The following CDIN1 variants were observed in gnomAD, a reference collection of about 807,000 sequenced individuals.
CDIN1 encodes CDAN1-interacting nuclease 1.
A neutral mutation model predicts 45.3 loss-of-function variants in CDIN1; 33 were observed. That is an observed-to-expected ratio of 0.73 (90% CI 0.55 to 0.97). The LOEUF is 0.97. Ranked by LOEUF, CDIN1 falls within the 50% of genes least tolerant of loss-of-function variation. CDIN1 has a pLI of 0.00. For missense variants in CDIN1, 303 were observed against 339.4 expected (o/e 0.89, Z 0.84); for synonymous variants, 118 against 124.4 (o/e 0.95, Z 0.34).
chr15:36,628,143 C>T (rs930057239), intron 1 of CDIN1, among the ~76,000 whole-genome samples: 2 of 151,980 alleles, frequency 1.3e-5, no homozygotes, highest in African/African-American at 4.8e-5. Context: ...ATGTGTTGGA[C>T]CTAACACCAT....
chr15:36,668,230 T>C (rs958723088), intron 5 of CDIN1: 30 of 152,268 alleles, frequency 2.0e-4, no homozygotes, highest in African/African-American at 7.0e-4. Context: ...GTGAATATTT[T>C]GTTGATAATG....
chr15:36,662,955 G>A (rs1339057425), intron 5 of CDIN1, among the ~76,000 whole-genome samples: 1 of 126,756 alleles, frequency 7.9e-6, no homozygotes, highest in East Asian at 2.5e-4. Context: ...CATTTCCTTT[G>A]AAATGCTCAA....
chr15:36,778,083 A>G (rs1013650476), intron 10 of CDIN1, among the ~76,000 whole-genome samples: 24 of 152,202 alleles, frequency 1.6e-4, no homozygotes. Context: ...TCAGGAATGT[A>G]ATCCTGAATA....
intron 10 of CDIN1, among the ~76,000 whole-genome samples, chr15:36,731,661 A>T (rs981960443): frequency 6.6e-6 from 1 of 152,138 alleles, no homozygotes; most frequent in African/African-American, 2.4e-5. Flanking sequence ...GCACCACAAG[A>T]TGTTAAAAGA....
intron 10 of CDIN1, chr15:36,798,627 A>G (rs561593411): frequency 2.0e-5 from 3 of 152,280 alleles, no homozygotes; most frequent in African/African-American, 4.8e-5. Flanking sequence ...TTTTAAGCAG[A>G]CTTTTATATA....
At chr15:36,586,731 G>T (rs1220115628) in intron 1 of CDIN1, among the ~76,000 whole-genome samples, 1 of 152,038 alleles carries the variant, frequency 6.6e-6, no homozygotes, top group Admixed American at 6.6e-5. Flanking sequence ...TCCAGCATGG[G>T]CAACATAGCT....
At chr15:36,748,099 C>A (rs1012007609) in intron 10 of CDIN1, among the ~76,000 whole-genome samples, 1 of 152,094 alleles carries the variant, frequency 6.6e-6, no homozygotes, top group Non-Finnish European at 1.5e-5. Flanking sequence ...ATTTGTATGA[C>A]CTGGGGCAAA....
At chr15:36,762,585 C>T (rs2053798407) in intron 10 of CDIN1, among the ~76,000 whole-genome samples, 1 of 152,064 alleles carries the variant, frequency 6.6e-6, no homozygotes, top group Non-Finnish European at 1.5e-5. Flanking sequence ...TGTTGGTGTG[C>T]TGCACCCATT....
intron 5 of CDIN1, among the ~76,000 whole-genome samples, chr15:36,671,567 C>A (rs2041453257): frequency 6.6e-6 from 1 of 151,688 alleles, no homozygotes; most frequent in Admixed American, 6.6e-5. Context: ...TATCTACTTT[C>A]TAGAGACTTA....
intron 5 of CDIN1, among the ~76,000 whole-genome samples, chr15:36,685,751 A>G (rs992680503): frequency 3.3e-5 from 5 of 152,226 alleles, no homozygotes; most frequent in Non-Finnish European, 5.9e-5. Context: ...TGGGCAAAGG[A>G]TATGAACAGA....
intron 9 of CDIN1, 107 bp from the exon 10 acceptor site, chr15:36,709,749 G>A (rs2140832458): frequency 1.3e-6 from 1 of 779,912 alleles, no homozygotes; most frequent in East Asian, 2.5e-5. Flanking sequence ...GATGGTAAGG[G>A]CTAAGCCTGT....
At chr15:36,619,319 G>A (rs980384152) in intron 1 of CDIN1, 12 of 710,848 alleles carry the variant, frequency 1.7e-5, no homozygotes, top group African/African-American at 1.1e-4. Context: ...TTAAACTTGA[G>A]CTGTAGCTAT....
intron 1 of CDIN1, among the ~76,000 whole-genome samples, chr15:36,616,217 C>G (rs1313775080): frequency 6.6e-6 from 1 of 152,062 alleles, no homozygotes; most frequent in Non-Finnish European, 1.5e-5. Context: ...TTTAGAGGCT[C>G]TATCCTTTAA....
chr15:36,789,333 A>C (rs2054586099), intron 10 of CDIN1, among the ~76,000 whole-genome samples: 1 of 152,236 alleles, frequency 6.6e-6, no homozygotes, highest in Non-Finnish European at 1.5e-5. Flanking sequence ...AATTATGTTC[A>C]ATCCTTTAGA....
At chr15:36,626,351 G>A (rs1460487838) in intron 1 of CDIN1, among the ~76,000 whole-genome samples, 1 of 149,816 alleles carries the variant, frequency 6.7e-6, no homozygotes, top group African/African-American at 2.5e-5. Context: ...CACAAAGGGA[G>A]TCCTGCAAAT....
At chr15:36,788,552 A>C (rs2054566105) in intron 10 of CDIN1, among the ~76,000 whole-genome samples, 5 of 152,150 alleles carry the variant, frequency 3.3e-5, no homozygotes, top group Non-Finnish European at 7.4e-5. Flanking sequence ...TATATTTTAA[A>C]GGTTTGTCTA....
At chr15:36,690,112 C>G in intron 5 of CDIN1, among the ~76,000 whole-genome samples, 1 of 152,074 alleles carries the variant, frequency 6.6e-6, no homozygotes, top group East Asian at 1.9e-4. Flanking sequence ...TCACAAATGG[C>G]TAAGTACATA....
At position 36,809,746 on chromosome 15, in the gene CDIN1, T is replaced by A. The variant is rs1230906335; in HGVS notation, c.*1293T>A. 3 of 152,226 alleles carry A rather than the reference T, an allele frequency of 2.0e-5. No homozygotes were observed. The highest frequency in any genetic ancestry group is 2.0e-4 in the Admixed American group (3 of 15,278). 9.4% of individuals were successfully genotyped at this position (152,226 alleles called of 1,614,324 possible). A position where few individuals can be genotyped will look rare whatever the true frequency, so the allele number is the denominator to read the frequency against. On this transcript the variant is annotated 3_prime_UTR_variant, in exon 11 of 11. Transcript: ENST00000566621. ...TTTTTGCAGACAGCTTTAACTTATA[T>A]ACATTGCTTGATTTTTTTCAAAAGA...
intron 1 of CDIN1, among the ~76,000 whole-genome samples, chr15:36,638,687 TAAAG>T (rs1416664739): frequency 6.6e-6 from 1 of 152,194 alleles, no homozygotes; most frequent in Non-Finnish European, 1.5e-5. Flanking sequence ...TTTATGAAGT[TAAAG>T]AAAAACTGCA....
Sources: allele counts gnomAD v4.1 joint callset (sites outside exome capture counted in the v4.1 genomes callset), GRCh38; gene constraint gnomAD v4.1.1; transcripts MANE v1.5; gene names NCBI Gene and HGNC (gene_info 2026-07-23, HGNC 2026-07-21).